The following VPS13A variants were observed in gnomAD, a reference collection of about 807,000 sequenced individuals.
VPS13A encodes the protein vacuolar protein sorting 13 homolog A.
Under a neutral mutation model 390.9 loss-of-function variants are expected in VPS13A, and 264 were observed. The ratio of observed to expected loss-of-function variants is 0.68; its 90% CI spans 0.61 to 0.75. VPS13A has a LOEUF of 0.75. VPS13A is among the 30% of genes least tolerant of loss of function. The pLI is 0.00. For missense variants in VPS13A, 3,409 were observed against 3,733.9 expected (o/e 0.91, Z 2.27); for synonymous variants, 1,231 against 1,227.1 (o/e 1.00, Z -0.07).
intron 35 of VPS13A, among the ~76,000 whole-genome samples, chr9:77,312,767 T>C (rs946502376): frequency 1.3e-5 from 2 of 152,190 alleles, no homozygotes; most frequent in African/African-American, 2.4e-5. Context: ...ATGAGATAAG[T>C]TGTAGAAGAC....
chr9:77,252,454 G>A (rs1825198136), intron 22 of VPS13A, 102 bp downstream of exon 22: 1 of 935,742 alleles, frequency 1.1e-6, no homozygotes, highest in Non-Finnish European at 1.8e-6. Flanking sequence ...GTGGTGAAAT[G>A]TATATAACTG....
chr9:77,348,970 A>AT (rs199539097), intron 52 of VPS13A, among the ~76,000 whole-genome samples: 39 of 150,394 alleles, frequency 2.6e-4, no homozygotes, highest in Middle Eastern at 3.4e-3. Flanking sequence ...TTTACATTTG[A>AT]TTTTTTTTTT....
At chr9:77,272,272 GGT>G (rs1214217399) in intron 23 of VPS13A, among the ~76,000 whole-genome samples, 1 of 152,162 alleles carries the variant, frequency 6.6e-6, no homozygotes, top group South Asian at 2.1e-4. Flanking sequence ...CTGTGCTGCT[GGT>G]GTTAGTGTAA....
At chr9:77,344,071 T>C in intron 50 of VPS13A, 82 bp from the exon 51 acceptor site, 1 of 1,305,618 alleles carries the variant, frequency 7.7e-7, no homozygotes, top group African/African-American at 1.5e-5. Flanking sequence ...TTTAAGTCTA[T>C]TCTGATGGGA....
At position 77,400,223 on chromosome 9, in the gene VPS13A, A is replaced by ATTT. The variant is rs34605855; in HGVS notation, c.9190-2993_9190-2991dup. Among the ~76,000 whole-genome samples, 163 of 88,070 alleles carry ATTT rather than the reference A, an allele frequency of 1.9e-3. 4 individuals carry two copies. Among genetic ancestry groups the ATTT allele is most frequent in the Middle Eastern group, 7.0e-3 (1 of 142 alleles). The allele number at this position is 88,070 out of a possible 152,430, so 57.8% of individuals were successfully genotyped here. A position where few individuals can be genotyped will look rare whatever the true frequency, so the allele number is the denominator to read the frequency against. On this transcript the variant is annotated intron_variant, in intron 68 of 71. Coordinates refer to ENST00000360280, the MANE Select transcript of VPS13A (RefSeq NM_033305.3). ...ATATTTTCTCATGTTTATCAGTCAGATTTTTTTTTTTTTTTTTTTTTTGCT... is the reference window on the plus strand; with the variant it reads ...ATATTTTCTCATGTTTATCAGTCAGATTTTTTTTTTTTTTTTTTTTTTTTTGCT...
chr9:77,405,434 G>A (rs769673319), intron 69 of VPS13A, among the ~76,000 whole-genome samples: 3 of 152,132 alleles, frequency 2.0e-5, no homozygotes, highest in Admixed American at 6.6e-5. Flanking sequence ...CTTATGAAGT[G>A]CCTTACATAT....
chr9:77,324,562 T>A (rs986932477), intron 45 of VPS13A, among the ~76,000 whole-genome samples: 3 of 152,230 alleles, frequency 2.0e-5, no homozygotes, highest in African/African-American at 7.2e-5. Context: ...AAATATTAGA[T>A]CAACCTTGCA....
Position 77,249,023 on chromosome 9 carries a change from C to T in VPS13A, c.2038-1074C>T, listed in dbSNP as rs181608740. Among the ~76,000 whole-genome samples the T allele has an allele frequency of 7.7e-4, 118 of 152,304 alleles. 3 individuals are homozygous for T. Among genetic ancestry groups the T allele is most frequent in the Admixed American group, 6.8e-3 (104 of 15,304 alleles). The stretch of plus-strand genomic sequence containing the variant: ...TTGGGATTACAGGTGTGAGCCACCG[C>T]GCCTGGCCTGTATTTGACAGCATTG... On this transcript the variant is annotated intron_variant, in intron 20 of 71. Coordinates refer to ENST00000360280, the MANE Select transcript of VPS13A (RefSeq NM_033305.3).
At chr9:77,360,503 T>TTTAACA in intron 58 of VPS13A, 33 bp from the exon 59 acceptor site, 1 of 1,511,754 alleles carries the variant, frequency 6.6e-7, no homozygotes. Context: ...TAATTGATGA[T>TTTAACA]TTTTAAAAAA....
intron 33 of VPS13A, among the ~76,000 whole-genome samples, chr9:77,301,440 A>G (rs1828346611): frequency 2.0e-5 from 3 of 152,224 alleles, no homozygotes; most frequent in Admixed American, 1.3e-4. Context: ...GCATGCAGGC[A>G]TATGTAAGTT....
chr9:77,277,546 C>G (rs1826756017), intron 26 of VPS13A, among the ~76,000 whole-genome samples: 1 of 152,158 alleles, frequency 6.6e-6, no homozygotes, highest in Non-Finnish European at 1.5e-5. Flanking sequence ...GGAGTAGTTT[C>G]ACTGCCCTAA....
intron 1 of VPS13A, among the ~76,000 whole-genome samples, chr9:77,183,602 A>G (rs949142989): frequency 1.4e-5 from 2 of 147,004 alleles, no homozygotes; most frequent in Non-Finnish European, 3.0e-5. Context: ...GAGGATGTGC[A>G]AAAACTGGAA....
intron 4 of VPS13A, among the ~76,000 whole-genome samples, chr9:77,205,722 G>T (rs1285593172): frequency 6.6e-6 from 1 of 151,904 alleles, no homozygotes; most frequent in Non-Finnish European, 1.5e-5. Flanking sequence ...CTCCTGAGTA[G>T]CTGGGATTAT....
intron 33 of VPS13A, among the ~76,000 whole-genome samples, chr9:77,298,901 G>A (rs572069477): frequency 2.6e-5 from 4 of 152,156 alleles, no homozygotes; most frequent in Non-Finnish European, 4.4e-5. Flanking sequence ...CTGCCGCTGT[G>A]TAAGATGTGC....
intron 27 of VPS13A, among the ~76,000 whole-genome samples, chr9:77,280,661 C>T (rs1028235714): frequency 2.6e-5 from 4 of 151,966 alleles, no homozygotes; most frequent in Admixed American, 1.3e-4. Flanking sequence ...TTCATTTTAT[C>T]GTTTGTTAAG....
intron 35 of VPS13A, among the ~76,000 whole-genome samples, chr9:77,311,463 T>G (rs1444789904): frequency 6.6e-6 from 1 of 152,180 alleles, no homozygotes; most frequent in African/African-American, 2.4e-5. Flanking sequence ...ATCTTTCTCC[T>G]AAATGTCTCA....
intron 71 of VPS13A, among the ~76,000 whole-genome samples, chr9:77,414,806 T>A (rs994316405): frequency 3.3e-5 from 5 of 151,858 alleles, no homozygotes; most frequent in African/African-American, 1.2e-4. Context: ...CTATACTTGA[T>A]CCCTGGGCCT....
chr9:77,216,954 C>T (rs1232671682), intron 10 of VPS13A, among the ~76,000 whole-genome samples: 1 of 152,164 alleles, frequency 6.6e-6, no homozygotes, highest in Non-Finnish European at 1.5e-5. Context: ...ATGCTGGCAG[C>T]TGATTAGATT....
At chr9:77,267,692 G>T (rs528970776) in intron 23 of VPS13A, among the ~76,000 whole-genome samples, 14 of 152,218 alleles carry the variant, frequency 9.2e-5, no homozygotes, top group Non-Finnish European at 2.1e-4. Flanking sequence ...GAGTTTGAGT[G>T]CTTTGCTGGG....
Sources: gnomAD v4.1 joint callset for allele counts (sites outside exome capture counted in the v4.1 genomes callset) on GRCh38, gnomAD v4.1.1 for gene constraint, MANE v1.5 for transcripts, NCBI Gene and HGNC (gene_info 2026-07-23, HGNC 2026-07-21) for gene names.